The following CCDC178 variants were observed in gnomAD, a reference collection of about 807,000 sequenced individuals.
The protein encoded by CCDC178 is coiled-coil domain-containing protein 178.
CCDC178 carries 126 observed loss-of-function variants against 117.4 expected under a neutral mutation model. That is an observed-to-expected ratio of 1.07 (90% CI 0.93 to 1.24). The LOEUF (loss-of-function observed/expected upper bound fraction) is 1.24. Among genes scored for constraint, CCDC178 ranks in the 50% most tolerant of loss-of-function variants. CCDC178 has a pLI of 0.00. For synonymous variants in CCDC178, 283 were observed against 313.4 expected (o/e 0.90, Z 1.02); for missense variants, 1,030 against 986.9 (o/e 1.04, Z -0.59).
intron 22 of CCDC178, among the ~76,000 whole-genome samples, chr18:32,966,593 C>G (rs1394396446): frequency 1.3e-5 from 2 of 151,776 alleles, no homozygotes; most frequent in African/African-American, 4.8e-5. Context: ...TCACCCCAAC[C>G]CAGCAACAAT....
chr18:33,001,979 A>G (rs2055645098), intron 21 of CCDC178, among the ~76,000 whole-genome samples: 2 of 152,212 alleles, frequency 1.3e-5, no homozygotes, highest in Admixed American at 1.3e-4. Context: ...GCAAGAGAAT[A>G]TAATTGTAAA....
At chr18:33,329,621 T>C (rs1374504228) in intron 10 of CCDC178, among the ~76,000 whole-genome samples, 1 of 152,206 alleles carries the variant, frequency 6.6e-6, no homozygotes, top group Non-Finnish European at 1.5e-5. Flanking sequence ...TTGTATCACA[T>C]ATGTATTCCT....
intron 15 of CCDC178, among the ~76,000 whole-genome samples, chr18:33,233,126 C>T (rs746056523): frequency 2.0e-5 from 3 of 152,212 alleles, no homozygotes; most frequent in South Asian, 2.1e-4. Flanking sequence ...GTGGCTGTTA[C>T]GTTAACTGTT....
At chr18:33,158,236 C>T (rs1212683175) in intron 20 of CCDC178, among the ~76,000 whole-genome samples, 1 of 152,128 alleles carries the variant, frequency 6.6e-6, no homozygotes, top group African/African-American at 2.4e-5. Flanking sequence ...AAGATGTAGT[C>T]TAATTTGCCA....
intron 10 of CCDC178, among the ~76,000 whole-genome samples, chr18:33,332,911 C>A (rs953742419): frequency 9.9e-5 from 15 of 152,146 alleles, no homozygotes; most frequent in Admixed American, 9.2e-4. Flanking sequence ...AGCCACCACA[C>A]CCAGCCTTAC....
At chr18:33,335,718 A>T (rs903971218) in intron 9 of CCDC178, among the ~76,000 whole-genome samples, 76 of 151,976 alleles carry the variant, frequency 5.0e-4, no homozygotes, top group Non-Finnish European at 8.5e-4. Context: ...TCTTTAAAAA[A>T]GTTTCTTGTC....
At position 33,216,570 on chromosome 18, in the gene CCDC178, C is replaced by T. The variant is rs542407127; in HGVS notation, c.1933-875G>A. Among the ~76,000 whole-genome samples, 6 of 152,162 alleles carry T rather than the reference C, an allele frequency of 3.9e-5. No individual in the cohort carries two copies. The East Asian group carries it at 1.2e-3, about 30-fold the overall frequency. ...CAGATCTCAATGGCTCCTTCTGCCT[C>T]CACTATCTTCTATTTTCCCCATATG... On this transcript the variant is annotated intron_variant, in intron 18 of 22. Transcript: ENST00000383096.
intron 8 of CCDC178, among the ~76,000 whole-genome samples, chr18:33,348,387 A>G (rs1257969605): frequency 1.3e-5 from 2 of 151,892 alleles, no homozygotes; most frequent in Non-Finnish European, 2.9e-5. Context: ...TGTGATAAGA[A>G]TATTTATCAC....
intron 20 of CCDC178, among the ~76,000 whole-genome samples, chr18:33,139,748 G>A (rs1254678674): frequency 1.3e-5 from 2 of 152,070 alleles, no homozygotes; most frequent in African/African-American, 4.8e-5. Context: ...GCAGCCTCAC[G>A]ATGCAAAAAG....
At chr18:33,147,141 CTTTTTTTTT>C (rs963180337) in intron 20 of CCDC178, among the ~76,000 whole-genome samples, 5 of 117,370 alleles carry the variant, frequency 4.3e-5, no homozygotes, top group African/African-American at 6.4e-5. Context: ...TAGCTGATTT[CTTTTTTTTT>C]TTTTTTTTTT....
chr18:33,087,394 C>T (rs1409167356), intron 21 of CCDC178, among the ~76,000 whole-genome samples: 1 of 152,128 alleles, frequency 6.6e-6, no homozygotes, highest in Non-Finnish European at 1.5e-5. Context: ...ACTCCTGTCT[C>T]GGGCATCCCC....
intron 12 of CCDC178, among the ~76,000 whole-genome samples, chr18:33,291,888 G>A (rs556281481): frequency 6.6e-6 from 1 of 152,172 alleles, no homozygotes; most frequent in South Asian, 2.1e-4. Context: ...GTTAGAATGG[G>A]TACTATCAAA....
chr18:33,362,587 T>C (rs1195449776), intron 6 of CCDC178, among the ~76,000 whole-genome samples: 1 of 151,934 alleles, frequency 6.6e-6, no homozygotes, highest in African/African-American at 2.4e-5. Context: ...CTATGTGAAA[T>C]ATATGAGACT....
At chr18:33,385,098 A>C (rs1267298335) in intron 5 of CCDC178, among the ~76,000 whole-genome samples, 1 of 152,212 alleles carries the variant, frequency 6.6e-6, no homozygotes, top group Non-Finnish European at 1.5e-5. Flanking sequence ...TTAAATCAAC[A>C]AAGGTCAAAA....
chr18:33,257,817 C>G (rs11874327), intron 14 of CCDC178, among the ~76,000 whole-genome samples: 9,921 of 152,072 alleles, frequency 0.065, 1,103 homozygotes, highest in African/African-American at 0.23. Flanking sequence ...GGGCTGTAAA[C>G]CAATGTACCT....
rs866942090 is a variant in CCDC178 at position 33,314,227 on chromosome 18, A to G, written c.1022+9264T>C. On this transcript the variant is annotated intron_variant, in intron 11 of 22. Transcript: ENST00000383096. ...AAAAAAAAAAAAAAAAAAAAAAAAA[A>G]AAAAAAGAAATTGTGCCTAGATTCA... 6.6e-3 allele frequency among the ~76,000 whole-genome samples: 928 copies of G among 141,284 alleles called. 8 individuals carry two copies. Among genetic ancestry groups the G allele is most frequent in the African/African-American group, 0.023 (877 of 37,938 alleles). 92.7% of individuals were successfully genotyped at this position (141,284 alleles called of 152,430 possible).
At position 33,328,082 on chromosome 18, in the gene CCDC178, GATTT is replaced by G. The variant is rs1254943140; in HGVS notation, c.880-4453_880-4450del. 100 of 249,108 alleles carry G rather than the reference GATTT, an allele frequency of 4.0e-4. 9 individuals carry two copies. The highest frequency in any genetic ancestry group is 1.7e-3 in the African/African-American group (51 of 30,466). The allele number at this position is 249,108 out of a possible 1,614,324, so 15.4% of individuals were successfully genotyped here. On this transcript the variant is annotated intron_variant, in intron 10 of 22. Coordinates refer to ENST00000383096, the MANE Select transcript of CCDC178 (RefSeq NM_001105528.4). ...CCAAGGTCATAAAGATTTATCCCTA[GATTT>G]TTTTTTTTTTTTTTTTTTTTTTTTT...
chr18:33,050,521 G>A (rs1305247677), intron 21 of CCDC178, among the ~76,000 whole-genome samples: 1 of 152,084 alleles, frequency 6.6e-6, no homozygotes, highest in African/African-American at 2.4e-5. Context: ...ATAATATAAA[G>A]GAATTAAGTA....
intron 21 of CCDC178, among the ~76,000 whole-genome samples, chr18:33,030,135 T>C (rs1199666393): frequency 6.6e-6 from 1 of 152,056 alleles, no homozygotes; most frequent in East Asian, 1.9e-4. Context: ...TTTTGCTAAA[T>C]TTATTTTAGG....
Sources: allele counts gnomAD v4.1 joint callset (sites outside exome capture counted in the v4.1 genomes callset), GRCh38; gene constraint gnomAD v4.1.1; transcripts MANE v1.5; gene names NCBI Gene and HGNC (gene_info 2026-07-23, HGNC 2026-07-21).